The following DACH1 variants were observed in gnomAD, a reference collection of about 807,000 sequenced individuals.
The protein encoded by DACH1 is dachshund homolog 1.
A neutral mutation model predicts 54.2 loss-of-function variants in DACH1; 12 were observed. The ratio of observed to expected loss-of-function variants is 0.22; its 90% CI spans 0.14 to 0.36. The LOEUF is 0.36. Ranked by LOEUF, DACH1 falls within the 10% of genes least tolerant of loss-of-function variation. The pLI is 1.00. For missense variants in DACH1, 805 were observed against 929.8 expected, an observed-to-expected ratio of 0.87 and a Z score of 1.75; for synonymous variants, 386 against 366.2, an observed-to-expected ratio of 1.05 and a Z score of -0.62.
intron 1 of DACH1, among the ~76,000 whole-genome samples, chr13:71,708,938 A>C (rs1384015562): frequency 2.1e-5 from 3 of 143,736 alleles, no homozygotes; most frequent in Admixed American, 7.5e-5. Flanking sequence ...CTGCAAGCTC[A>C]GCCTCCCGGG....
intron 3 of DACH1, among the ~76,000 whole-genome samples, chr13:71,588,609 C>A (rs1282027838): frequency 6.6e-6 from 1 of 151,844 alleles, no homozygotes; most frequent in Non-Finnish European, 1.5e-5. Flanking sequence ...AAACAAGGAA[C>A]AGACAAATGA....
Position 71,630,678 on chromosome 13 carries a change from T to C in DACH1, c.1004A>G (p.Asn335Ser), listed in dbSNP as rs1877030515. The part of the protein sequence containing the change: ...AAAAAAAAAT[N>S]AAIAEAMKVK... ...CTTCATTGCTTCAGCAATAGCTGCA[T>C]TGGTAGCAGCAGCAGCTGCTGCAGC... The change falls in exon 3 of 11, where the codon AAT (asparagine) becomes AGT (serine). Residue 335 changes from asparagine (N) to serine (S), a missense_variant. Asn to Ser is a conservative substitution (Grantham distance 46). Around this residue, in one of 3 missense-constraint regions of DACH1, gnomAD observed 472 missense variants for 545.3 expected, o/e 0.87. Transcript: ENST00000613252. The C allele has an allele frequency of 5.0e-6, 8 of 1,606,838 alleles. No homozygotes were observed. The highest frequency in any genetic ancestry group is 5.9e-6 in the Non-Finnish European group (7 of 1,178,022).
intron 1 of DACH1, among the ~76,000 whole-genome samples, chr13:71,686,379 C>A (rs926654587): frequency 6.6e-6 from 1 of 152,184 alleles, no homozygotes; most frequent in Non-Finnish European, 1.5e-5. Context: ...CATTCCCAAC[C>A]CGCCACACAC....
At chr13:71,783,845 T>A (rs1025612864) in intron 1 of DACH1, among the ~76,000 whole-genome samples, 42 of 151,788 alleles carry the variant, frequency 2.8e-4, no homozygotes, top group Non-Finnish European at 5.0e-4. Flanking sequence ...TTAAGGTTTT[T>A]TTTTTGTTTC....
intron 6 of DACH1, among the ~76,000 whole-genome samples, chr13:71,531,041 T>C (rs1336346306): frequency 6.6e-6 from 1 of 152,046 alleles, no homozygotes; most frequent in Non-Finnish European, 1.5e-5. Context: ...AAAACATATA[T>C]ATAACTATAT....
intron 6 of DACH1, among the ~76,000 whole-genome samples, chr13:71,547,140 T>C (rs922744957): frequency 1.3e-5 from 2 of 152,054 alleles, no homozygotes; most frequent in East Asian, 3.9e-4. Context: ...AGGTCTGAGG[T>C]TATTATGAAA....
chr13:71,618,979 A>AT (rs201274834), intron 3 of DACH1, among the ~76,000 whole-genome samples: 225 of 150,084 alleles, frequency 1.5e-3, no homozygotes, highest in East Asian at 0.01. Flanking sequence ...CCTTATATGC[A>AT]TTTTTTTTTG....
At chr13:71,675,536 C>G in intron 2 of DACH1, 6 of 980,056 alleles carry the variant, frequency 6.1e-6, no homozygotes, top group Non-Finnish European at 9.3e-6. Flanking sequence ...TTCTCTTCTT[C>G]CTGTTATTGG....
chr13:71,797,185 T>A (rs1887091369), intron 1 of DACH1, among the ~76,000 whole-genome samples: 1 of 152,166 alleles, frequency 6.6e-6, no homozygotes, highest in Non-Finnish European at 1.5e-5. Flanking sequence ...ACTTACCTTG[T>A]GTTGATTCAA....
intron 6 of DACH1, among the ~76,000 whole-genome samples, chr13:71,537,149 G>A (rs1882858729): frequency 6.6e-6 from 1 of 152,118 alleles, no homozygotes; most frequent in East Asian, 1.9e-4. Context: ...TGGCCAAGAG[G>A]ATTCATGCCA....
At chr13:71,500,931 T>C (rs923164801) in intron 6 of DACH1, among the ~76,000 whole-genome samples, 2 of 152,096 alleles carry the variant, frequency 1.3e-5, no homozygotes, top group African/African-American at 2.4e-5. Flanking sequence ...TAGAGCATCA[T>C]AGGACCACAG....
intron 1 of DACH1, among the ~76,000 whole-genome samples, chr13:71,848,956 T>C (rs903261482): frequency 1.3e-5 from 2 of 152,196 alleles, no homozygotes; most frequent in Non-Finnish European, 2.9e-5. Context: ...CCGACATCAC[T>C]CACCCAGGCA....
At chr13:71,664,929 C>A (rs893932788) in intron 2 of DACH1, among the ~76,000 whole-genome samples, 3 of 151,932 alleles carry the variant, frequency 2.0e-5, no homozygotes, top group Non-Finnish European at 4.4e-5. Context: ...CCCTTGGATG[C>A]CAATTGTGAC....
intron 6 of DACH1, among the ~76,000 whole-genome samples, chr13:71,538,375 C>CAA (rs892248223): frequency 9.8e-5 from 13 of 132,958 alleles, no homozygotes; most frequent in African/African-American, 3.4e-4. Context: ...TTGTTTTCCT[C>CAA]AAAAAAAAAA....
At chr13:71,685,226 C>A (rs1322238301) in intron 1 of DACH1, among the ~76,000 whole-genome samples, 1 of 152,142 alleles carries the variant, frequency 6.6e-6, no homozygotes, top group African/African-American at 2.4e-5. Flanking sequence ...CCACAGATAT[C>A]TCCTGCCCAA....
intron 2 of DACH1, among the ~76,000 whole-genome samples, chr13:71,639,719 C>T (rs1877753985): frequency 6.6e-6 from 1 of 152,016 alleles, no homozygotes; most frequent in South Asian, 2.1e-4. Flanking sequence ...CCATATCAAT[C>T]ACTGAGGAAC....
intron 1 of DACH1, 43 bp downstream of exon 1, chr13:71,865,879 T>C: frequency 3.3e-6 from 5 of 1,533,084 alleles, no homozygotes; most frequent in Non-Finnish European, 4.4e-6. Context: ...AGCAGGCTGG[T>C]GGGAAGGGGC....
At chr13:71,634,865 T>C (rs1328850753) in intron 2 of DACH1, among the ~76,000 whole-genome samples, 1 of 152,170 alleles carries the variant, frequency 6.6e-6, no homozygotes, top group South Asian at 2.1e-4. Context: ...CAACTGTATA[T>C]ATCTGGTTAA....
At chr13:71,474,883 C>T (rs1182916688) in intron 10 of DACH1, among the ~76,000 whole-genome samples, 1 of 152,108 alleles carries the variant, frequency 6.6e-6, no homozygotes, top group African/African-American at 2.4e-5. Context: ...TTACTGTGTC[C>T]AAGATTAAAT....
Sources: gnomAD v4.1 joint callset for allele counts (sites outside exome capture counted in the v4.1 genomes callset) on GRCh38, gnomAD v4.1.1 for gene constraint, gnomAD v4.1.1 regional missense constraint, MANE v1.5 for transcripts, NCBI Gene and HGNC (gene_info 2026-07-23, HGNC 2026-07-21) for gene names.